DENND1A: variants seen among roughly 807,000 people sequenced by gnomAD.
The protein encoded by DENND1A is DENN domain-containing protein 1A.
Under a neutral mutation model 113.7 loss-of-function variants are expected in DENND1A, and 51 were observed. The ratio of observed to expected loss-of-function variants is 0.45; its 90% CI spans 0.36 to 0.57. The LOEUF is 0.57. Among genes scored for constraint, DENND1A ranks in the 20% least tolerant of loss-of-function variants. The pLI is 0.00. For missense variants in DENND1A, 1,258 were observed against 1,395.9 expected, an observed-to-expected ratio of 0.90 and a Z score of 1.57; for synonymous variants, 565 against 570.8, an observed-to-expected ratio of 0.99 and a Z score of 0.14.
intron 8 of DENND1A, among the ~76,000 whole-genome samples, chr9:123,662,650 T>G (rs1437858125): frequency 6.6e-6 from 1 of 152,178 alleles, no homozygotes; most frequent in Non-Finnish European, 1.5e-5. Context: ...TACTGGCGCA[T>G]GTCTCACCAA....
At chr9:123,812,698 T>C (rs932260199) in intron 2 of DENND1A, among the ~76,000 whole-genome samples, 1 of 152,192 alleles carries the variant, frequency 6.6e-6, no homozygotes, top group African/African-American at 2.4e-5. Flanking sequence ...ATTTTAGTGA[T>C]AGAATCATAA....
intron 13 of DENND1A, among the ~76,000 whole-genome samples, chr9:123,529,036 G>A (rs754550826): frequency 2.6e-5 from 4 of 152,108 alleles, no homozygotes; most frequent in Non-Finnish European, 5.9e-5. Context: ...TTTCATTATA[G>A]TCTTCATCAT....
chr9:123,476,563 G>A (rs976154144), intron 13 of DENND1A, among the ~76,000 whole-genome samples: 2 of 152,138 alleles, frequency 1.3e-5, no homozygotes, highest in East Asian at 1.9e-4. Context: ...GATTCCCCTA[G>A]GAGGTTCTTT....
At chr9:123,885,067 G>A (rs1168937400) in intron 1 of DENND1A, among the ~76,000 whole-genome samples, 1 of 149,062 alleles carries the variant, frequency 6.7e-6, no homozygotes, top group Non-Finnish European at 1.5e-5. Context: ...ACAGACGCAC[G>A]CACACAGCCT....
chr9:123,514,821 T>C (rs1393378007), intron 13 of DENND1A, among the ~76,000 whole-genome samples: 2 of 152,180 alleles, frequency 1.3e-5, no homozygotes, highest in East Asian at 3.8e-4. Context: ...GCATCAGTAA[T>C]ACCAAGTAGG....
intron 13 of DENND1A, among the ~76,000 whole-genome samples, chr9:123,496,442 A>T (rs2051922613): frequency 1.3e-5 from 2 of 152,154 alleles, no homozygotes; most frequent in Non-Finnish European, 2.9e-5. Flanking sequence ...TTTTATTTTT[A>T]TTTTTAAGAC....
At chr9:123,527,890 C>A (rs575212683) in intron 13 of DENND1A, among the ~76,000 whole-genome samples, 1 of 152,166 alleles carries the variant, frequency 6.6e-6, no homozygotes, top group Non-Finnish European at 1.5e-5. Flanking sequence ...TTGTGCTCTG[C>A]GACTGATTGT....
chr9:123,913,113 TAAAAAAAAAAAAA>T (rs915063969), intron 1 of DENND1A, among the ~76,000 whole-genome samples: 15 of 86,712 alleles, frequency 1.7e-4, no homozygotes, highest in Admixed American at 5.1e-4. Flanking sequence ...AAAGACAGTT[TAAAAAAAAAAAAA>T]AAAAAAAAAA....
chr9:123,588,283 CAAAAAAAAAA>C (rs10640791), intron 11 of DENND1A, among the ~76,000 whole-genome samples: 1 of 68,098 alleles, frequency 1.5e-5, no homozygotes, highest in Non-Finnish European at 3.0e-5. Flanking sequence ...AACTCTGTCT[CAAAAAAAAAA>C]AAAAAAAAAA....
chr9:123,464,694 A>C (rs1480538621), intron 13 of DENND1A, among the ~76,000 whole-genome samples: 2 of 152,204 alleles, frequency 1.3e-5, no homozygotes, highest in Non-Finnish European at 2.9e-5. Context: ...TGCACTTAAA[A>C]ATAGTTAAGA....
Position 123,381,942 on chromosome 9 carries a change from T to A in DENND1A, c.2703A>T (p.Ala901=), listed in dbSNP as rs1415512957. ...AGACCAGGGGCAGGGTGGGTGGGGC[T>A]GCTGGCATGGATGGGACAAAGGGGT... ...PLNPFVPSMP[A]APPTLPLVST... The change falls in exon 24 of 24, where the codon GCA becomes GCT. Residue 901 remains alanine (A), a synonymous_variant. Transcript: ENST00000394215. This position sits in a 1 kb window ranked among gnomAD's most constrained non-coding sequence, Gnocchi z 4.7. The A allele has an allele frequency of 6.9e-7, 1 of 1,451,756 alleles. No homozygotes were observed. Among genetic ancestry groups the A allele is most frequent in the Non-Finnish European group, 9.1e-7 (1 of 1,101,464 alleles). 89.9% of individuals were successfully genotyped at this position (1,451,756 alleles called of 1,614,324 possible). A position where few individuals can be genotyped will look rare whatever the true frequency, so the allele number is the denominator to read the frequency against.
intron 5 of DENND1A, among the ~76,000 whole-genome samples, chr9:123,728,505 A>AAAAAAAAAAAAAAC (rs2067907924): frequency 6.8e-6 from 1 of 147,114 alleles, no homozygotes; most frequent in Non-Finnish European, 1.5e-5. Flanking sequence ...AAAAAAAAAA[A>AAAAAAAAAAAAAAC]AAAAACAGGC....
chr9:123,444,376 T>C (rs117754870), intron 18 of DENND1A, among the ~76,000 whole-genome samples: 4,026 of 152,318 alleles, frequency 0.026, 89 homozygotes, highest in Non-Finnish European at 0.042. Flanking sequence ...TTTAAAATAA[T>C]GACATGTGGG....
At chr9:123,734,876 C>T (rs1328057616) in intron 5 of DENND1A, among the ~76,000 whole-genome samples, 1 of 152,132 alleles carries the variant, frequency 6.6e-6, no homozygotes, top group Non-Finnish European at 1.5e-5. Context: ...TGTTAGCTTT[C>T]AAGTTGTCAC....
chr9:123,603,456 C>A (rs1012178057), intron 11 of DENND1A, among the ~76,000 whole-genome samples: 1 of 152,148 alleles, frequency 6.6e-6, no homozygotes, highest in Non-Finnish European at 1.5e-5. Flanking sequence ...CTCTGAATGG[C>A]GGCTCAGTGC....
chr9:123,741,083 A>G (rs1229622603), intron 5 of DENND1A, among the ~76,000 whole-genome samples: 1 of 152,172 alleles, frequency 6.6e-6, no homozygotes, highest in Non-Finnish European at 1.5e-5. Context: ...GTACCCTCTC[A>G]AGGAAATTAT....
chr9:123,444,579 G>A (rs2047163825), intron 18 of DENND1A, among the ~76,000 whole-genome samples: 1 of 152,162 alleles, frequency 6.6e-6, no homozygotes, highest in South Asian at 2.1e-4. Context: ...GCATGAACCA[G>A]GGAGGCAGAG....
At chr9:123,839,770 A>G (rs1259910976) in intron 2 of DENND1A, among the ~76,000 whole-genome samples, 2 of 152,226 alleles carry the variant, frequency 1.3e-5, no homozygotes, top group African/African-American at 4.8e-5. Flanking sequence ...GTCTATCAAC[A>G]TATTAGCATT....
intron 21 of DENND1A, chr9:123,401,263 C>A: frequency 6.4e-6 from 1 of 155,876 alleles, no homozygotes. Flanking sequence ...TTGGTCCTGC[C>A]AGCTGGAGCT....
Sources: gnomAD v4.1 joint callset for allele counts (sites outside exome capture counted in the v4.1 genomes callset) on GRCh38, gnomAD v4.1.1 for gene constraint, Gnocchi (gnomAD v3.1) non-coding constraint, MANE v1.5 for transcripts, NCBI Gene and HGNC (gene_info 2026-07-23, HGNC 2026-07-21) for gene names.